The following PLCH1 variants were observed in gnomAD, a reference collection of about 807,000 sequenced individuals.
PLCH1 encodes phospholipase C eta 1.
Under a neutral mutation model 126.7 loss-of-function variants are expected in PLCH1, and 60 were observed. The ratio of observed to expected loss-of-function variants is 0.47; its 90% CI spans 0.38 to 0.59. PLCH1 has a LOEUF of 0.59. PLCH1 is among the 20% of genes least tolerant of loss of function. The pLI is 0.00. For synonymous variants in PLCH1, 719 were observed against 734.9 expected (o/e 0.98, Z 0.35); for missense variants, 1,723 against 2,040.0 (o/e 0.84, Z 2.99).
At chr3:155,626,768 C>CAAAAAAAAAAA (rs71155058) in intron 2 of PLCH1, among the ~76,000 whole-genome samples, 17 of 49,656 alleles carry the variant, frequency 3.4e-4, no homozygotes, top group East Asian at 5.4e-4. Flanking sequence ...GACTCCGTCT[C>CAAAAAAAAAAA]AAAAAAAAAA....
At chr3:155,684,318 A>G (rs1167402353) in intron 2 of PLCH1, among the ~76,000 whole-genome samples, 2 of 152,170 alleles carry the variant, frequency 1.3e-5, no homozygotes, top group African/African-American at 4.8e-5. Context: ...ATTGAACACA[A>G]CAGCCACATC....
intron 11 of PLCH1, among the ~76,000 whole-genome samples, chr3:155,518,311 C>T (rs1192385766): frequency 6.6e-6 from 1 of 152,190 alleles, no homozygotes; most frequent in Non-Finnish European, 1.5e-5. Flanking sequence ...CTGCTGAACC[C>T]TGTTTAAGGC....
intron 6 of PLCH1, among the ~76,000 whole-genome samples, chr3:155,582,037 C>A (rs1227829306): frequency 6.7e-6 from 1 of 148,494 alleles, no homozygotes; most frequent in African/African-American, 2.5e-5. Flanking sequence ...TGTAAGCCAC[C>A]GTGCCCAGCC....
chr3:155,619,459 C>T (rs1450588804), intron 2 of PLCH1, among the ~76,000 whole-genome samples: 1 of 139,058 alleles, frequency 7.2e-6, no homozygotes, highest in Non-Finnish European at 1.5e-5. Flanking sequence ...CCTTCACCAA[C>T]ATAAAGCTGA....
chr3:155,630,705 A>G (rs928563958), intron 2 of PLCH1, among the ~76,000 whole-genome samples: 4 of 152,222 alleles, frequency 2.6e-5, no homozygotes, highest in Non-Finnish European at 5.9e-5. Context: ...AGAAACAGAG[A>G]AAAGACTTTA....
At chr3:155,727,631 G>A (rs971840055) in intron 1 of PLCH1, among the ~76,000 whole-genome samples, 3 of 151,888 alleles carry the variant, frequency 2.0e-5, no homozygotes, top group Non-Finnish European at 2.9e-5. Context: ...CAAGTGATCC[G>A]CCCGTCTCGG....
chr3:155,624,141 G>A (rs1490231265), intron 2 of PLCH1, among the ~76,000 whole-genome samples: 2 of 151,864 alleles, frequency 1.3e-5, no homozygotes, highest in African/African-American at 4.8e-5. Flanking sequence ...CAGAACCAAT[G>A]ACAAAAACGA....
intron 2 of PLCH1, chr3:155,676,216 T>A (rs1055208296): frequency 7.8e-7 from 1 of 1,277,656 alleles, no homozygotes. Context: ...ATCTTCACAA[T>A]TCAGGCTTTA....
chr3:155,560,206 C>T (rs943054412), intron 8 of PLCH1, among the ~76,000 whole-genome samples: 1 of 152,104 alleles, frequency 6.6e-6, no homozygotes, highest in Non-Finnish European at 1.5e-5. Flanking sequence ...TGTACTTGAA[C>T]CTCCAAGAAA....
chr3:155,582,883 A>C (rs1260485315), intron 6 of PLCH1, among the ~76,000 whole-genome samples: 1 of 152,094 alleles, frequency 6.6e-6, no homozygotes, highest in Non-Finnish European at 1.5e-5. Flanking sequence ...TATAATATTA[A>C]GATTAAAACA....
rs1438023385 is a variant in PLCH1 at position 155,566,335 on chromosome 3, A to G, written c.866-1217T>C. On this transcript the variant is annotated intron_variant, in intron 7 of 22. Transcript: ENST00000460012. ...TACATATATACATATATATACGTAT[A>G]TATACACATATATATACATATATAT... 8.0e-5 allele frequency among the ~76,000 whole-genome samples: 5 copies of G among 62,754 alleles called. 2 individuals carry two copies. Among genetic ancestry groups the G allele is most frequent in the Admixed American group, 3.1e-4 (2 of 6,490 alleles). 41.2% of individuals were successfully genotyped at this position (62,754 alleles called of 152,430 possible). A position where few individuals can be genotyped will look rare whatever the true frequency, so the allele number is the denominator to read the frequency against.
intron 18 of PLCH1, among the ~76,000 whole-genome samples, chr3:155,491,670 T>C (rs538313138): frequency 6.6e-6 from 1 of 151,964 alleles, no homozygotes; most frequent in Non-Finnish European, 1.5e-5. Context: ...ACTCTAAGAG[T>C]CCATTTATAT....
chr3:155,608,409 T>C (rs1331722309), intron 2 of PLCH1, among the ~76,000 whole-genome samples: 1 of 152,164 alleles, frequency 6.6e-6, no homozygotes, highest in Non-Finnish European at 1.5e-5. Context: ...AAGCTGTGCT[T>C]GCCTTCTCAA....
chr3:155,533,551 T>TA (rs1576932441), intron 10 of PLCH1, among the ~76,000 whole-genome samples: 2 of 151,886 alleles, frequency 1.3e-5, no homozygotes, highest in Admixed American at 6.5e-5. Flanking sequence ...CATCTCAAAA[T>TA]AAAAAAGAAA....
chr3:155,680,045 T>C (rs1243688407), intron 2 of PLCH1, among the ~76,000 whole-genome samples: 1 of 152,078 alleles, frequency 6.6e-6, no homozygotes, highest in African/African-American at 2.4e-5. Context: ...GCTGTTAGTG[T>C]CTCTGGCATA....
At chr3:155,632,103 G>A (rs966692095) in intron 2 of PLCH1, among the ~76,000 whole-genome samples, 4 of 152,100 alleles carry the variant, frequency 2.6e-5, no homozygotes, top group Non-Finnish European at 5.9e-5. Context: ...TTTCACAGTG[G>A]CCATCAGCTC....
At chr3:155,694,411 A>C (rs1473758054) in intron 2 of PLCH1, among the ~76,000 whole-genome samples, 2 of 152,236 alleles carry the variant, frequency 1.3e-5, no homozygotes, top group Non-Finnish European at 2.9e-5. Context: ...AATTACTTAC[A>C]AGTCTCCACA....
chr3:155,704,438 C>G (rs1254294675), intron 1 of PLCH1, among the ~76,000 whole-genome samples, 174 bp from the exon 2 acceptor site: 1 of 152,146 alleles, frequency 6.6e-6, no homozygotes, highest in Admixed American at 6.6e-5. Flanking sequence ...ACAAGTCTTC[C>G]CAGGGTCTAG....
intron 2 of PLCH1, among the ~76,000 whole-genome samples, chr3:155,659,343 T>TC (rs1741840186): frequency 8.0e-6 from 1 of 124,980 alleles, no homozygotes; most frequent in Non-Finnish European, 1.6e-5. Context: ...TTTTTTTTTT[T>TC]CCGAGATAGG....
Sources: allele counts gnomAD v4.1 joint callset (sites outside exome capture counted in the v4.1 genomes callset), GRCh38; gene constraint gnomAD v4.1.1; transcripts MANE v1.5; gene names NCBI Gene and HGNC (gene_info 2026-07-23, HGNC 2026-07-21).